The following GABRG3 variants were observed in gnomAD, a reference collection of about 807,000 sequenced individuals.
GABRG3 encodes gamma-aminobutyric acid type A receptor subunit gamma3.
Under a neutral mutation model 48.8 loss-of-function variants are expected in GABRG3, and 25 were observed. The observed-to-expected ratio is 0.51, with a 90% CI of 0.37 to 0.72. The LOEUF (loss-of-function observed/expected upper bound fraction) is 0.72, where lower values mean the gene tolerates loss of function less well. Among genes scored for constraint, GABRG3 ranks in the 30% least tolerant of loss-of-function variants. The pLI is 0.00. For synonymous variants in GABRG3, 227 were observed against 217.6 expected (o/e 1.04, Z -0.38); for missense variants, 394 against 577.9 (o/e 0.68, Z 3.26).
intron 2 of GABRG3, among the ~76,000 whole-genome samples, chr15:26,979,888 GT>G (rs1442801731): frequency 6.6e-6 from 1 of 152,120 alleles, no homozygotes; most frequent in Non-Finnish European, 1.5e-5. Context: ...CTCATCTTCT[GT>G]TTTCTAGAAA....
intron 3 of GABRG3, among the ~76,000 whole-genome samples, chr15:27,305,474 G>C (rs920859672): frequency 1.3e-5 from 2 of 148,218 alleles, no homozygotes; most frequent in African/African-American, 4.9e-5. Context: ...TTGTGTGTGT[G>C]TGGTCTGTGT....
chr15:27,219,727 G>C (rs1479652228), intron 3 of GABRG3, among the ~76,000 whole-genome samples: 3 of 152,222 alleles, frequency 2.0e-5, no homozygotes, highest in Non-Finnish European at 2.9e-5. Context: ...CCAGGGACTG[G>C]AGCATCAGTG....
At chr15:27,435,602 G>C (rs1187128980) in intron 5 of GABRG3, among the ~76,000 whole-genome samples, 1 of 152,064 alleles carries the variant, frequency 6.6e-6, no homozygotes, top group African/African-American at 2.4e-5. Context: ...GAGTGTATGA[G>C]GAATGAATAG....
At chr15:27,419,730 G>A (rs930434499) in intron 5 of GABRG3, among the ~76,000 whole-genome samples, 2 of 152,142 alleles carry the variant, frequency 1.3e-5, no homozygotes, top group African/African-American at 4.8e-5. Flanking sequence ...ATGGTTAGCA[G>A]GTAGTCAGCA....
At chr15:27,327,143 A>G (rs1893643431) in intron 4 of GABRG3, 114 bp downstream of exon 4, 13 of 917,234 alleles carry the variant, frequency 1.4e-5, no homozygotes, top group Non-Finnish European at 2.2e-5. Context: ...CTTTCACGTG[A>G]GACATACTAC....
In GABRG3 at chr15:26,977,062, G is replaced by C; in HGVS notation, c.114G>C (p.Leu38Phe). The change falls in exon 2 of 10, where the codon TTG (leucine) becomes TTC (phenylalanine). Residue 38 changes from leucine (L) to phenylalanine (F), a missense_variant. By Grantham distance (22) the Leu-to-Phe change is conservative (BLOSUM62 0). This residue lies in a region of GABRG3 where 218 missense variants were observed against 309.9 expected (regional missense o/e 0.70). Transcript: ENST00000615808. Reference sequence around the variant, plus strand: ...CATCATCAAACCAAAAGTGGGTCTTGGCTCCAAAATCCCAAGACACCGACG... The same window carrying C: ...CATCATCAAACCAAAAGTGGGTCTTCGCTCCAAAATCCCAAGACACCGACG... Reference protein sequence around the residue: ...EDSSSNQKWVLAPKSQDTDVT... With the variant: ...EDSSSNQKWVFAPKSQDTDVT... 6.2e-7 allele frequency: 1 copy of C among 1,613,896 alleles called. No individual in the cohort carries two copies. Among genetic ancestry groups the C allele is most frequent in the Non-Finnish European group, 8.5e-7 (1 of 1,179,852 alleles).
chr15:27,081,239 C>A (rs1413821767), intron 3 of GABRG3, among the ~76,000 whole-genome samples: 1 of 152,036 alleles, frequency 6.6e-6, no homozygotes, highest in African/African-American at 2.4e-5. Flanking sequence ...AAAGCTGGGG[C>A]CCAGAGGCTA....
chr15:27,358,554 G>C (rs926804661), intron 5 of GABRG3, among the ~76,000 whole-genome samples: 26 of 151,984 alleles, frequency 1.7e-4, no homozygotes, highest in Admixed American at 1.4e-3. Flanking sequence ...GTAGGAGAAG[G>C]CTCTGCCCTC....
chr15:27,528,019 A>C (rs1461201787), intron 9 of GABRG3, 27 bp downstream of exon 9: 1 of 1,533,858 alleles, frequency 6.5e-7, no homozygotes, highest in Non-Finnish European at 8.9e-7. Context: ...AGGTGCCAAT[A>C]TTTCTGAGAA....
chr15:27,496,686 G>A (rs1890495909), intron 6 of GABRG3, among the ~76,000 whole-genome samples: 1 of 152,144 alleles, frequency 6.6e-6, no homozygotes, highest in South Asian at 2.1e-4. Context: ...CTTCTCAGAA[G>A]CAAATGTCCA....
intron 3 of GABRG3, among the ~76,000 whole-genome samples, chr15:27,282,997 C>G (rs781455762): frequency 1.3e-5 from 2 of 152,126 alleles, no homozygotes; most frequent in Non-Finnish European, 2.9e-5. Context: ...CTGCTATTCT[C>G]AAGTATGTAG....
At chr15:27,149,861 C>G (rs1898278198) in intron 3 of GABRG3, among the ~76,000 whole-genome samples, 1 of 152,186 alleles carries the variant, frequency 6.6e-6, no homozygotes, top group African/African-American at 2.4e-5. Context: ...CGGACAGCAC[C>G]TACCTGAGAA....
intron 5 of GABRG3, among the ~76,000 whole-genome samples, chr15:27,408,593 C>A (rs943825987): frequency 2.0e-5 from 3 of 152,074 alleles, no homozygotes; most frequent in Admixed American, 1.3e-4. Context: ...AGAAATGCAG[C>A]GGTAATAGCT....
chr15:27,306,992 T>A (rs1323250930), intron 3 of GABRG3, among the ~76,000 whole-genome samples: 1 of 119,494 alleles, frequency 8.4e-6, no homozygotes, highest in Non-Finnish European at 1.6e-5. Context: ...ATAAACATGT[T>A]TATATATAAA....
chr15:27,533,092 G>A lies in GABRG3; in HGVS notation c.*211G>A, dbSNP rs1055632460. On this transcript the variant is annotated 3_prime_UTR_variant, in exon 10 of 10. Coordinates refer to ENST00000615808, the MANE Select transcript of GABRG3 (RefSeq NM_033223.5). ...CATACATACACACACACAGCTAATT[G>A]AGTTTTAAAGTAATATTCTTGCTAA... 3 of 518,596 alleles carry A rather than the reference G, an allele frequency of 5.8e-6. No individual in the cohort carries two copies. Among genetic ancestry groups the A allele is most frequent in the Non-Finnish European group, 6.8e-6 (2 of 293,088 alleles). 32.1% of individuals were successfully genotyped at this position (518,596 alleles called of 1,614,324 possible).
chr15:27,379,364 C>T (rs773648392), intron 5 of GABRG3, among the ~76,000 whole-genome samples: 2 of 152,166 alleles, frequency 1.3e-5, no homozygotes, highest in Non-Finnish European at 2.9e-5. Context: ...CTCTCCCATC[C>T]GTTACTACAT....
Position 27,442,912 on chromosome 15 carries a change from C to G in GABRG3, c.575-37738C>G, listed in dbSNP as rs112807767. 1.7e-4 allele frequency among the ~76,000 whole-genome samples: 26 copies of G among 152,300 alleles called. 1 individual carries two copies. Among genetic ancestry groups the G allele is most frequent in the Admixed American group, 7.8e-4 (12 of 15,298 alleles). On this transcript the variant is annotated intron_variant, in intron 5 of 9. Coordinates refer to ENST00000615808, the MANE Select transcript of GABRG3 (RefSeq NM_033223.5). ...GCAGATCAGCTGCCCAATGCCAGAGCCTTCCAATGAGGTTGCTCTGTGTGC... is the reference window on the plus strand; with the variant it reads ...GCAGATCAGCTGCCCAATGCCAGAGGCTTCCAATGAGGTTGCTCTGTGTGC...
intron 3 of GABRG3, among the ~76,000 whole-genome samples, chr15:27,116,015 G>A (rs372722065): frequency 1.3e-3 from 195 of 152,344 alleles, no homozygotes; most frequent in African/African-American, 4.4e-3. Context: ...GGAACAGAGG[G>A]TGGGATCCAG....
At chr15:27,088,642 G>C (rs1190866902) in intron 3 of GABRG3, among the ~76,000 whole-genome samples, 1 of 152,172 alleles carries the variant, frequency 6.6e-6, no homozygotes, top group African/African-American at 2.4e-5. Context: ...CGAGGGGGAA[G>C]CGGGCTTCTT....
Sources: allele counts gnomAD v4.1 joint callset (sites outside exome capture counted in the v4.1 genomes callset), GRCh38; gene constraint gnomAD v4.1.1; regional missense constraint gnomAD v4.1.1; transcripts MANE v1.5; gene names NCBI Gene and HGNC (gene_info 2026-07-23, HGNC 2026-07-21).